Variants in KCNN3 observed in about 807,000 individuals in gnomAD.
The protein encoded by KCNN3 is small conductance calcium-activated potassium channel protein 3.
A neutral mutation model predicts 62.9 loss-of-function variants in KCNN3; 16 were observed. The observed-to-expected ratio is 0.25, with a 90% CI of 0.17 to 0.39. The LOEUF (loss-of-function observed/expected upper bound fraction) is 0.39, where lower values mean the gene tolerates loss of function less well. Among genes scored for constraint, KCNN3 ranks in the 10% least tolerant of loss-of-function variants. The pLI, the probability that KCNN3 is intolerant of heterozygous loss-of-function variation, is 1.00. For synonymous variants in KCNN3, 370 were observed against 389.2 expected (o/e 0.95, Z 0.58); for missense variants, 599 against 949.4 (o/e 0.63, Z 4.85).
At chr1:154,777,371 G>T (rs1209103744) in intron 2 of KCNN3, among the ~76,000 whole-genome samples, 2 of 152,126 alleles carry the variant, frequency 1.3e-5, no homozygotes, top group African/African-American at 2.4e-5. Flanking sequence ...GAATAAAGGG[G>T]TGTGTAGGCG....
intron 1 of KCNN3, among the ~76,000 whole-genome samples, chr1:154,823,290 C>T (rs1308102212): frequency 2.0e-5 from 3 of 152,148 alleles, no homozygotes; most frequent in Admixed American, 1.3e-4. Flanking sequence ...ATCCAGGAAG[C>T]ATTTCCAAGC....
intron 1 of KCNN3, among the ~76,000 whole-genome samples, chr1:154,853,945 C>CA (rs1247061392): frequency 2.0e-4 from 29 of 143,990 alleles, no homozygotes; most frequent in Non-Finnish European, 3.8e-4. Context: ...CTCCGTCTCA[C>CA]AAAAAAAAAG....
intron 2 of KCNN3, among the ~76,000 whole-genome samples, chr1:154,782,010 G>C (rs1353391611): frequency 2.0e-5 from 3 of 152,210 alleles, no homozygotes; most frequent in Non-Finnish European, 4.4e-5. Flanking sequence ...AGTGAGCCTT[G>C]CAAAGGTATG....
chr1:154,855,961 A>G (rs1341359012), intron 1 of KCNN3, among the ~76,000 whole-genome samples: 3 of 152,068 alleles, frequency 2.0e-5, no homozygotes, highest in African/African-American at 7.2e-5. Context: ...AGGGTCCTTG[A>G]GTCAGACGTG....
intron 3 of KCNN3, among the ~76,000 whole-genome samples, chr1:154,765,796 G>GTT (rs199964273): frequency 7.4e-5 from 11 of 149,546 alleles, no homozygotes; most frequent in African/African-American, 9.9e-5. Context: ...GTTTTTTTTG[G>GTT]TTTTTTTTTG....
At chr1:154,824,451 C>A (rs1000844559) in intron 1 of KCNN3, among the ~76,000 whole-genome samples, 2 of 152,156 alleles carry the variant, frequency 1.3e-5, no homozygotes, top group African/African-American at 4.8e-5. Context: ...GAAATGCTAC[C>A]CAACCACAAG....
At chr1:154,726,927 A>G (rs1182399428) in intron 4 of KCNN3, among the ~76,000 whole-genome samples, 1 of 152,130 alleles carries the variant, frequency 6.6e-6, no homozygotes, top group East Asian at 1.9e-4. Flanking sequence ...TCTCTCTCCT[A>G]ATCCTCTGGG....
At chr1:154,839,388 A>G (rs892108118) in intron 1 of KCNN3, among the ~76,000 whole-genome samples, 6 of 152,160 alleles carry the variant, frequency 3.9e-5, no homozygotes, top group Non-Finnish European at 8.8e-5. Flanking sequence ...TTTAGAGACC[A>G]TCTGTCTTCC....
intron 2 of KCNN3, among the ~76,000 whole-genome samples, chr1:154,821,723 C>T (rs563843151): frequency 5.9e-5 from 9 of 152,284 alleles, no homozygotes; most frequent in African/African-American, 2.2e-4. Flanking sequence ...AACTGAGTGG[C>T]CCAAGTTCAG....
In KCNN3 at chr1:154,808,026, C is replaced by T. The variant is rs535487120; in HGVS notation, c.1029+14063G>A. 4.8e-3 allele frequency among the ~76,000 whole-genome samples: 736 copies of T among 152,306 alleles called. 3 individuals are homozygous for T. The highest frequency in any genetic ancestry group is 0.017 in the African/African-American group (699 of 41,554). ...AACCTGTACCATAATCTACACCCGT[C>T]TCCCATCCCCATTCTTACCTCTCAG... On this transcript the variant is annotated intron_variant, in intron 2 of 7. Transcript: ENST00000271915.
At chr1:154,786,401 A>T (rs771764229) in intron 2 of KCNN3, among the ~76,000 whole-genome samples, 4 of 152,256 alleles carry the variant, frequency 2.6e-5, no homozygotes, top group African/African-American at 4.8e-5. Flanking sequence ...CAACCTGAAT[A>T]CACATCAATA....
At position 154,701,064 on chromosome 1, in the gene KCNN3, G is replaced by A. The variant is rs1394107672; in HGVS notation, c.*6912C>T. 1 of 152,144 alleles carries A rather than the reference G, an allele frequency of 6.6e-6. No individual in the cohort carries two copies. The highest frequency in any genetic ancestry group is 2.4e-5 in the African/African-American group (1 of 41,430). 9.4% of individuals were successfully genotyped at this position (152,144 alleles called of 1,614,324 possible). A position where few individuals can be genotyped will look rare whatever the true frequency, so the allele number is the denominator to read the frequency against. ...ATTTAGCTCCATAACAAGAAAACTT[G>A]TGTACAAGTTAGGGCTCAGCTACAC... On this transcript the variant is annotated 3_prime_UTR_variant, in exon 8 of 8. Transcript: ENST00000271915.
Position 154,781,414 on chromosome 1 carries a change from G to T in KCNN3, c.1030-9021C>A, listed in dbSNP as rs189799125. Among the ~76,000 whole-genome samples, 23 of 152,286 alleles carry T rather than the reference G, an allele frequency of 1.5e-4. 1 individual carries two copies. Among genetic ancestry groups the T allele is most frequent in the Admixed American group, 1.2e-3 (19 of 15,302 alleles). On this transcript the variant is annotated intron_variant, in intron 2 of 7. Transcript: ENST00000271915. The stretch of plus-strand genomic sequence containing the variant: ...CAATTTGTGGTTTTCCATTTTCTCT[G>T]GGCTGTGGGGCCATTTCTTTCATAA...
chr1:154,775,900 CTCCG>C (rs1648768729), intron 2 of KCNN3, among the ~76,000 whole-genome samples: 1 of 152,248 alleles, frequency 6.6e-6, no homozygotes, highest in South Asian at 2.1e-4. Flanking sequence ...AAACCATCTA[CTCCG>C]TAATAAAGAA....
intron 6 of KCNN3, among the ~76,000 whole-genome samples, chr1:154,714,603 G>GTA (rs1700190673): frequency 3.4e-5 from 1 of 29,446 alleles, no homozygotes; most frequent in Non-Finnish European, 7.8e-5. Flanking sequence ...TGTGTGATGT[G>GTA]TGGTGTGTGG....
Position 154,869,515 on chromosome 1 carries a change from G to A in KCNN3, c.450C>T (p.Gly150=), listed in dbSNP as rs775203978. ...TGGCCTGTCGGTGCCGGCTGCCTCC[G>A]CCAGGCCCACTTGTAGCTGTGGAAC... The part of the protein sequence containing the change: ...SPSSTATSGP[G]GGSRHRQASP... The change falls in exon 1 of 8, where the codon GGC becomes GGT. Residue 150 remains glycine, a synonymous_variant. Transcript: ENST00000271915. This position sits in a 1 kb window ranked among gnomAD's most constrained non-coding sequence, Gnocchi z 6.1. 9 of 1,614,034 alleles carry A rather than the reference G, an allele frequency of 5.6e-6. No individual in the cohort carries two copies. The highest frequency in any genetic ancestry group is 1.7e-4 in the Middle Eastern group (1 of 6,056).
chr1:154,860,951 GTTT>G (rs761437574), intron 1 of KCNN3, among the ~76,000 whole-genome samples: 1 of 112,046 alleles, frequency 8.9e-6, no homozygotes, highest in East Asian at 3.0e-4. Context: ...TGCCACCCAA[GTTT>G]TTTTTTTTTT....
At chr1:154,863,452 CT>C (rs1455515115) in intron 1 of KCNN3, among the ~76,000 whole-genome samples, 12 of 152,138 alleles carry the variant, frequency 7.9e-5, no homozygotes, top group Admixed American at 1.3e-4. Context: ...GCTGGCCTGC[CT>C]GTCACTGAGC....
intron 1 of KCNN3, among the ~76,000 whole-genome samples, chr1:154,861,051 T>C (rs753285687): frequency 3.5e-5 from 5 of 142,576 alleles, no homozygotes; most frequent in African/African-American, 8.0e-5. Context: ...GCCTCCCGGG[T>C]TCAAGCGATT....
Sources: allele counts gnomAD v4.1 joint callset (sites outside exome capture counted in the v4.1 genomes callset), GRCh38; gene constraint gnomAD v4.1.1; non-coding constraint Gnocchi (gnomAD v3.1); transcripts MANE v1.5; gene names NCBI Gene and HGNC (gene_info 2026-07-23, HGNC 2026-07-21).